Variants in CCDC83 observed in about 807,000 individuals in gnomAD.
CCDC83 encodes coiled-coil domain containing 83, also known as coiled-coil domain-containing protein 83.
Under a neutral mutation model 50.1 loss-of-function variants are expected in CCDC83, and 54 were observed. The ratio of observed to expected loss-of-function variants is 1.08; its 90% CI spans 0.87 to 1.35. The LOEUF (loss-of-function observed/expected upper bound fraction) is 1.35. CCDC83 is among the 40% of genes most tolerant of loss of function. The pLI is 0.00. For missense variants in CCDC83, 518 were observed against 473.9 expected (o/e 1.09, Z -0.86); for synonymous variants, 161 against 153.3 (o/e 1.05, Z -0.37).
intron 10 of CCDC83, 67 bp downstream of exon 10, chr11:85,916,300 T>A (rs2093477137): frequency 8.6e-7 from 1 of 1,159,212 alleles, no homozygotes; most frequent in Non-Finnish European, 1.3e-6. Flanking sequence ...CTGTTTTAAT[T>A]GAGAAAATTA....
At chr11:85,864,885 C>T (rs1051053952) in intron 1 of CCDC83, among the ~76,000 whole-genome samples, 1 of 152,108 alleles carries the variant, frequency 6.6e-6, no homozygotes, top group Admixed American at 6.5e-5. Context: ...GGAGGGAATG[C>T]TATACATGGG....
chr11:85,879,355 G>A (rs1349473257), intron 3 of CCDC83, among the ~76,000 whole-genome samples: 1 of 151,950 alleles, frequency 6.6e-6, no homozygotes, highest in Non-Finnish European at 1.5e-5. Flanking sequence ...TCTACCTGCA[G>A]ATGTCCAGTT....
chr11:85,881,021 A>G (rs927120794), intron 3 of CCDC83, among the ~76,000 whole-genome samples: 1 of 152,204 alleles, frequency 6.6e-6, no homozygotes, highest in Admixed American at 6.5e-5. Flanking sequence ...AACCTGTCAC[A>G]TGACATCAGG....
At chr11:85,906,917 TA>T (rs2093428519) in intron 7 of CCDC83, among the ~76,000 whole-genome samples, 1 of 146,518 alleles carries the variant, frequency 6.8e-6, no homozygotes, top group African/African-American at 2.4e-5. Flanking sequence ...TAAATTAAAT[TA>T]AATAAATAAC....
chr11:85,902,172 C>A (rs2093405580), intron 7 of CCDC83, among the ~76,000 whole-genome samples: 1 of 113,374 alleles, frequency 8.8e-6, no homozygotes, highest in African/African-American at 3.5e-5. Context: ...CTGGCAGAAG[C>A]AGGTGGGGGT....
chr11:85,888,947 T>C (rs2093339267), intron 5 of CCDC83, among the ~76,000 whole-genome samples: 1 of 152,272 alleles, frequency 6.6e-6, no homozygotes. Flanking sequence ...AAAGTTATTG[T>C]TCTGGTACAT....
intron 3 of CCDC83, among the ~76,000 whole-genome samples, chr11:85,876,541 G>A (rs1013320923): frequency 2.6e-5 from 4 of 152,090 alleles, no homozygotes; most frequent in Non-Finnish European, 4.4e-5. Flanking sequence ...GTCTCACTCC[G>A]TCACCCAGGC....
chr11:85,868,825 T>C (rs2093221896), intron 2 of CCDC83, among the ~76,000 whole-genome samples: 1 of 152,248 alleles, frequency 6.6e-6, no homozygotes, highest in Non-Finnish European at 1.5e-5. Context: ...ATTTGTGTTT[T>C]TATATGAATA....
chr11:85,885,164 A>C (rs564209864), intron 4 of CCDC83, among the ~76,000 whole-genome samples: 4 of 152,174 alleles, frequency 2.6e-5, no homozygotes, highest in Admixed American at 2.0e-4. Context: ...CAGTGAGCCG[A>C]GATCGCGCCA....
At chr11:85,882,047 C>G (rs1332953566) in intron 3 of CCDC83, among the ~76,000 whole-genome samples, 2 of 152,066 alleles carry the variant, frequency 1.3e-5, no homozygotes, top group Non-Finnish European at 2.9e-5. Context: ...GGCTTGCTGG[C>G]TCACACCTGT....
In CCDC83 at chr11:85,882,515, T is replaced by G; in HGVS notation, c.183T>G (p.Asn61Lys). The G allele has an allele frequency of 6.2e-7, 1 of 1,613,398 alleles. No individual in the cohort carries two copies. Among genetic ancestry groups the G allele is most frequent in the Non-Finnish European group, 8.5e-7 (1 of 1,179,640 alleles). Reference sequence around the variant, plus strand: ...ATTACTGTTGATTTTCATGACAGAATAGCCGCTTAAAAGAAGAACAGATTT... The same window carrying G: ...ATTACTGTTGATTTTCATGACAGAAGAGCCGCTTAAAAGAAGAACAGATTT... ...RKKNQKYHER[N>K]SRLKEEQIWH... The change falls in exon 4 of 11, where the codon AAT becomes AAG. Residue 61 changes from asparagine to lysine, a missense_variant and splice_region_variant. Coordinates refer to ENST00000342404, the MANE Select transcript of CCDC83 (RefSeq NM_001286159.2).
chr11:85,916,212 T>C lies in CCDC83; in HGVS notation c.1059T>C (p.Tyr353=). The C allele has an allele frequency of 6.2e-7, 1 of 1,609,732 alleles. No homozygotes were observed. The highest frequency in any genetic ancestry group is 1.3e-5 in the African/African-American group (1 of 74,898). ...FGDTDMKYLL[Y]EDEKDFKDYV... Reference sequence around the variant, plus strand: ...ACACTGATATGAAGTACTTACTATATGAGGATGAGAAGGATTTCAAGGTAA... The same window carrying C: ...ACACTGATATGAAGTACTTACTATACGAGGATGAGAAGGATTTCAAGGTAA... The change falls in exon 10 of 11, where the codon TAT becomes TAC. Residue 353 remains tyrosine, a synonymous_variant. Coordinates refer to ENST00000342404, the MANE Select transcript of CCDC83 (RefSeq NM_001286159.2).
At chr11:85,881,663 C>T (rs2093301252) in intron 3 of CCDC83, among the ~76,000 whole-genome samples, 1 of 152,140 alleles carries the variant, frequency 6.6e-6, no homozygotes, top group African/African-American at 2.4e-5. Context: ...AAGTAATCCC[C>T]CCAGCTCTGC....
At chr11:85,912,189 G>A (rs1184549397) in intron 8 of CCDC83, among the ~76,000 whole-genome samples, 1 of 152,170 alleles carries the variant, frequency 6.6e-6, no homozygotes, top group East Asian at 1.9e-4. Flanking sequence ...TAAAGCAGAT[G>A]TTAAGTTGAA....
intron 3 of CCDC83, among the ~76,000 whole-genome samples, chr11:85,876,161 A>T (rs554564026): frequency 3.7e-4 from 56 of 152,058 alleles, no homozygotes; most frequent in Non-Finnish European, 4.4e-4. Context: ...CTTTGCCTAG[A>T]CCCATCCCTT....
Position 85,919,338 on chromosome 11 carries a change from G to A in CCDC83, c.1081-11G>A, listed in dbSNP as rs922431460. The A allele has an allele frequency of 5.7e-6, 9 of 1,574,788 alleles. No homozygotes were observed. The African/African-American group carries it at 1.1e-4, about 19-fold the overall frequency. ...ACCTCTCCTATTCTTTTTTGTGCCT[G>A]TTCACCATAGGATTATGTAAACTTG... is the stretch of plus-strand genomic sequence containing the variant. On this transcript the variant is annotated splice_polypyrimidine_tract_variant and intron_variant, in intron 10 of 10. Transcript: ENST00000342404.
intron 2 of CCDC83, among the ~76,000 whole-genome samples, chr11:85,871,121 C>T (rs1764942788): frequency 6.6e-6 from 1 of 152,168 alleles, no homozygotes; most frequent in Admixed American, 6.5e-5. Context: ...GAGCCGAGAT[C>T]ATGCTGCTGC....
intron 1 of CCDC83, among the ~76,000 whole-genome samples, chr11:85,856,112 A>G (rs570276547): frequency 4.8e-4 from 73 of 151,358 alleles, no homozygotes; most frequent in African/African-American, 1.7e-3. Context: ...TCCTTATCCC[A>G]TAATTTTCTG....
intron 2 of CCDC83, among the ~76,000 whole-genome samples, chr11:85,871,115 C>T (rs545856996): frequency 1.3e-5 from 2 of 152,176 alleles, no homozygotes; most frequent in African/African-American, 4.8e-5. Flanking sequence ...TGCAGTGAGC[C>T]GAGATCATGC....
Sources: allele counts gnomAD v4.1 joint callset (sites outside exome capture counted in the v4.1 genomes callset), GRCh38; gene constraint gnomAD v4.1.1; transcripts MANE v1.5; gene names NCBI Gene and HGNC (gene_info 2026-07-23, HGNC 2026-07-21).